SLC22A3: variants seen among roughly 807,000 people sequenced by gnomAD.
SLC22A3 encodes EMT organic cation transporter 3.
In SLC22A3, 51 loss-of-function variants were observed where a neutral mutation model predicts 59.1. The observed-to-expected ratio is 0.86, with a 90% CI of 0.69 to 1.09. The LOEUF (loss-of-function observed/expected upper bound fraction) is 1.09, where lower values mean the gene tolerates loss of function less well. SLC22A3 is among the 50% of genes least tolerant of loss of function. The pLI is 0.00. For missense variants in SLC22A3, 711 were observed against 726.3 expected (o/e 0.98, Z 0.24); for synonymous variants, 325 against 292.0 (o/e 1.11, Z -1.15).
intron 1 of SLC22A3, among the ~76,000 whole-genome samples, chr6:160,353,454 C>A (rs487152): frequency 0.5 from 76,259 of 152,008 alleles, 19,448 homozygotes; most frequent in African/African-American, 0.59. Context: ...AAAATTGCAG[C>A]GATAATGTGA....
intron 5 of SLC22A3, chr6:160,425,960 T>TA: frequency 2.0e-6 from 2 of 985,460 alleles, no homozygotes; most frequent in Non-Finnish European, 2.4e-6. Context: ...TTATGGCTGA[T>TA]ACGTAAGAGA....
intron 2 of SLC22A3, among the ~76,000 whole-genome samples, chr6:160,402,318 T>C (rs1192463863): frequency 1.3e-5 from 2 of 151,900 alleles, no homozygotes; most frequent in African/African-American, 4.8e-5. Context: ...GACAAAGGGG[T>C]CAATTCTCCA....
At chr6:160,414,587 G>C (rs535761104) in intron 5 of SLC22A3, among the ~76,000 whole-genome samples, 4 of 152,322 alleles carry the variant, frequency 2.6e-5, no homozygotes, top group African/African-American at 9.6e-5. Context: ...TCACAGTTCT[G>C]CAGGGCTGGG....
intron 2 of SLC22A3, among the ~76,000 whole-genome samples, chr6:160,400,984 GAA>G (rs58532600): frequency 0.28 from 22,257 of 78,638 alleles, 1,755 homozygotes; most frequent in African/African-American, 0.35. Flanking sequence ...CTCCAAAACT[GAA>G]AAAAAAAAAA....
chr6:160,372,464 G>A (rs535098921), intron 1 of SLC22A3, among the ~76,000 whole-genome samples: 28 of 152,172 alleles, frequency 1.8e-4, no homozygotes, highest in Admixed American at 2.6e-4. Context: ...TGAATCTGAC[G>A]ATTATGTATC....
At chr6:160,385,352 C>A (rs187074165) in intron 1 of SLC22A3, among the ~76,000 whole-genome samples, 1 of 152,308 alleles carries the variant, frequency 6.6e-6, no homozygotes, top group Non-Finnish European at 1.5e-5. Context: ...AGACACAGTG[C>A]CTTGTTCAAT....
intron 2 of SLC22A3, among the ~76,000 whole-genome samples, chr6:160,400,084 ATTTTTTTTTTTTTT>A (rs760874011): frequency 1.0e-5 from 1 of 95,438 alleles, no homozygotes; most frequent in East Asian, 3.1e-4. Context: ...AGCTTTTGTG[ATTTTTTTTTTTTTT>A]TTTTTTTTTT....
chr6:160,392,381 C>T (rs1786296754), intron 1 of SLC22A3, among the ~76,000 whole-genome samples: 1 of 152,186 alleles, frequency 6.6e-6, no homozygotes, highest in Admixed American at 6.5e-5. Flanking sequence ...TTGAAATTAT[C>T]TTACATTTAG....
chr6:160,443,867 C>A, intron 9 of SLC22A3, 125 bp downstream of exon 9: 1 of 457,074 alleles, frequency 2.2e-6, no homozygotes, highest in Non-Finnish European at 3.8e-6. Context: ...ATAACTATTT[C>A]ATTGATAATT....
At chr6:160,416,188 G>T (rs1419465205) in intron 5 of SLC22A3, among the ~76,000 whole-genome samples, 2 of 152,128 alleles carry the variant, frequency 1.3e-5, no homozygotes, top group Admixed American at 1.3e-4. Flanking sequence ...GCACTAGCAG[G>T]GAGAAATACA....
At chr6:160,364,778 G>A (rs949392887) in intron 1 of SLC22A3, among the ~76,000 whole-genome samples, 1 of 152,188 alleles carries the variant, frequency 6.6e-6, no homozygotes, top group Non-Finnish European at 1.5e-5. Flanking sequence ...CCATCGCTCA[G>A]AGCAGGATCA....
intron 1 of SLC22A3, among the ~76,000 whole-genome samples, chr6:160,377,807 G>T (rs1466419051): frequency 6.6e-6 from 1 of 152,212 alleles, no homozygotes; most frequent in African/African-American, 2.4e-5. Context: ...TGCAGAGGCT[G>T]CTAAGCAAAC....
At chr6:160,412,334 G>A (rs1787288362) in intron 5 of SLC22A3, among the ~76,000 whole-genome samples, 1 of 152,174 alleles carries the variant, frequency 6.6e-6, no homozygotes, top group Admixed American at 6.5e-5. Flanking sequence ...CTGCACTCCA[G>A]CCTGAGCAAA....
chr6:160,449,551 C>G (rs747461563), intron 10 of SLC22A3, among the ~76,000 whole-genome samples: 19 of 152,190 alleles, frequency 1.2e-4, no homozygotes, highest in African/African-American at 4.6e-4. Flanking sequence ...AACTTGCTAG[C>G]ATTTCCCTTT....
Position 160,348,447 on chromosome 6 carries a change from CG to C in SLC22A3, c.31del (p.Val11TrpfsTer17). On this transcript the variant is annotated frameshift_variant, in exon 1 of 11. Coordinates refer to ENST00000275300, the MANE Select transcript of SLC22A3 (RefSeq NM_021977.4). LOFTEE classifies it high-confidence loss of function. ...GCCCTCCTTCGACGAGGCGCTGCAGCGGGTGGGCGAGTTCGGGCGCTTCCAG... is the reference window on the plus strand; with the variant it reads ...GCCCTCCTTCGACGAGGCGCTGCAGCGGTGGGCGAGTTCGGGCGCTTCCAG... MPSFDEALQ[R>X]VGEFGRFQRR... 1 of 1,523,086 alleles carries C rather than the reference CG, an allele frequency of 6.6e-7. No homozygotes were observed. Among genetic ancestry groups the C allele is most frequent in the South Asian group, 1.2e-5 (1 of 82,522 alleles). 94.3% of individuals were successfully genotyped at this position (1,523,086 alleles called of 1,614,324 possible).
rs537189522 is a variant in SLC22A3 at position 160,381,886 on chromosome 6, T to C, written c.430-16093T>C. On this transcript the variant is annotated intron_variant, in intron 1 of 10. Coordinates refer to ENST00000275300, the MANE Select transcript of SLC22A3 (RefSeq NM_021977.4). ...TTCATTTAGTTATATTTCTAGTGAG[T>C]CCAGTGGAATGGAGAAAATTTTTTA... 2.0e-5 allele frequency among the ~76,000 whole-genome samples: 3 copies of C among 152,274 alleles called. No homozygotes were observed. In the East Asian group the frequency reaches 5.8e-4, roughly 29 times the overall value.
intron 1 of SLC22A3, among the ~76,000 whole-genome samples, chr6:160,379,018 A>G (rs150804135): frequency 6.6e-6 from 1 of 152,294 alleles, no homozygotes; most frequent in Non-Finnish European, 1.5e-5. Context: ...AACCATCCTA[A>G]GTTGGGGACC....
At chr6:160,428,995 C>T (rs1044630207) in intron 5 of SLC22A3, among the ~76,000 whole-genome samples, 3 of 152,202 alleles carry the variant, frequency 2.0e-5, no homozygotes, top group African/African-American at 7.2e-5. Context: ...TGGTCCTCGT[C>T]TGACTAATGA....
intron 1 of SLC22A3, 69 bp downstream of exon 1, chr6:160,348,917 C>CGT: frequency 4.6e-6 from 7 of 1,533,384 alleles, no homozygotes; most frequent in Non-Finnish European, 6.1e-6. Context: ...GGACAAGCCG[C>CGT]GTGTGAGACG....
Sources: allele counts gnomAD v4.1 joint callset (sites outside exome capture counted in the v4.1 genomes callset), GRCh38; gene constraint gnomAD v4.1.1; transcripts MANE v1.5; gene names NCBI Gene and HGNC (gene_info 2026-07-23, HGNC 2026-07-21).